Variants in PACRG observed in about 807,000 individuals in gnomAD.
PACRG encodes parkin coregulated gene protein.
In PACRG, 29 loss-of-function variants were observed where a neutral mutation model predicts 29.7. The ratio of observed to expected loss-of-function variants is 0.98; its 90% confidence interval spans 0.73 to 1.33. The LOEUF (loss-of-function observed/expected upper bound fraction) is 1.33, where lower values mean the gene tolerates loss of function less well. Ranked by LOEUF, PACRG falls within the 40% of genes most tolerant of loss-of-function variation. PACRG has a pLI of 0.00. For missense variants in PACRG, 279 were observed against 316.2 expected, an observed-to-expected ratio of 0.88 and a Z score of 0.89; for synonymous variants, 116 against 118.7, an observed-to-expected ratio of 0.98 and a Z score of 0.15.
intron 2 of PACRG, among the ~76,000 whole-genome samples, chr6:162,980,700 G>A (rs531432534): frequency 2.0e-5 from 3 of 152,168 alleles, no homozygotes; most frequent in South Asian, 2.1e-4. Flanking sequence ...TGATGTTCTC[G>A]ACCTTCCATC....
intron 2 of PACRG, among the ~76,000 whole-genome samples, chr6:162,912,136 C>T (rs1043304697): frequency 6.6e-6 from 1 of 152,152 alleles, no homozygotes; most frequent in African/African-American, 2.4e-5. Context: ...AAGGTCAATC[C>T]AAGTTGTTAG....
chr6:163,217,387 G>A (rs1781403996), intron 4 of PACRG, among the ~76,000 whole-genome samples: 1 of 152,242 alleles, frequency 6.6e-6, no homozygotes, highest in Non-Finnish European at 1.5e-5. Flanking sequence ...TTCCAGGGGA[G>A]GCCCAGTCAC....
intron 4 of PACRG, chr6:163,244,980 G>A (rs1275209261): frequency 2.2e-5 from 10 of 448,656 alleles, no homozygotes; most frequent in East Asian, 1.4e-4. Flanking sequence ...CCATGTTAGC[G>A]AAGTGGGGAG....
At chr6:163,206,418 A>G (rs1780904791) in intron 4 of PACRG, among the ~76,000 whole-genome samples, 1 of 152,174 alleles carries the variant, frequency 6.6e-6, no homozygotes, top group African/African-American at 2.4e-5. Context: ...AGCAACATGG[A>G]TAGAGCTTTT....
chr6:162,777,343 T>A lies in PACRG; in HGVS notation c.157-36804T>A, dbSNP rs1047368201. On this transcript the variant is annotated intron_variant, in intron 1 of 4. Transcript: ENST00000366888. The surrounding 1 kb of genome is among the most constrained non-coding windows in gnomAD (Gnocchi z 4.0). ...CAGACTGAGTGGCTTGGCATTTGGCTGATGTAGGCCATGTGGGCACACACT... is the reference window on the plus strand; with the variant it reads ...CAGACTGAGTGGCTTGGCATTTGGCAGATGTAGGCCATGTGGGCACACACT... Among the ~76,000 whole-genome samples the A allele has an allele frequency of 1.3e-5, 2 of 152,216 alleles. No homozygotes were observed. Among genetic ancestry groups the A allele is most frequent in the Non-Finnish European group, 2.9e-5 (2 of 68,044 alleles).
At chr6:162,863,522 G>A (rs529389421) in intron 2 of PACRG, among the ~76,000 whole-genome samples, 1 of 152,294 alleles carries the variant, frequency 6.6e-6, no homozygotes, top group Non-Finnish European at 1.5e-5. Context: ...AAAAGAGGAT[G>A]GCACTGCATA....
chr6:163,278,048 A>G (rs1261510413), intron 4 of PACRG, among the ~76,000 whole-genome samples: 1 of 152,096 alleles, frequency 6.6e-6, no homozygotes, highest in African/African-American at 2.4e-5. Context: ...GTGAGGTGGT[A>G]TTGCATTGTG....
intron 2 of PACRG, among the ~76,000 whole-genome samples, chr6:162,829,609 G>A (rs1298145917): frequency 6.6e-6 from 1 of 152,178 alleles, no homozygotes; most frequent in Non-Finnish European, 1.5e-5. Flanking sequence ...ATATTCGATG[G>A]TGGGACCGTA....
At chr6:162,776,996 C>T (rs1267819627) in intron 1 of PACRG, among the ~76,000 whole-genome samples, 1 of 152,134 alleles carries the variant, frequency 6.6e-6, no homozygotes, top group African/African-American at 2.4e-5. Flanking sequence ...TGCTCAGGTG[C>T]TGGGTGCACC....
chr6:162,762,822 A>G (rs563077429), intron 1 of PACRG, among the ~76,000 whole-genome samples: 1 of 152,328 alleles, frequency 6.6e-6, no homozygotes, highest in East Asian at 1.9e-4. Context: ...TATTGATTTG[A>G]TTATAATGTT....
rs559355302 is a variant in PACRG at position 163,287,571 on chromosome 6, T to C, written c.614-27256T>C. On this transcript the variant is annotated intron_variant, in intron 4 of 4. Transcript: ENST00000366888. ...GGCTCTGCATTTCTTACATGTTTCT[T>C]TTCAATCCTGACCTTCTCTTAGATC... 2.6e-5 allele frequency among the ~76,000 whole-genome samples: 4 copies of C among 152,344 alleles called. No individual in the cohort carries two copies. The South Asian group carries it at 8.3e-4, about 32-fold the overall frequency.
intron 2 of PACRG, among the ~76,000 whole-genome samples, chr6:162,855,185 GC>G: frequency 6.6e-6 from 1 of 152,306 alleles, no homozygotes; most frequent in African/African-American, 2.4e-5. Context: ...AATGCCCAGC[GC>G]TGACACCTGG....
In PACRG at chr6:163,269,890, A is replaced by ACAAAG. The variant is rs1554237869; in HGVS notation, c.614-44937_614-44936insCAAAG. ...AAGAGAAAGAAAGAAAGAAAGAAAGAAAACAAAGAAAGAAAGAAAGAAAGA... is the reference window on the plus strand; with the variant it reads ...AAGAGAAAGAAAGAAAGAAAGAAAGACAAAGAAACAAAGAAAGAAAGAAAGAAAGA... On this transcript the variant is annotated intron_variant, in intron 4 of 4. Transcript: ENST00000366888. Among the ~76,000 whole-genome samples, 10 of 23,814 alleles carry ACAAAG rather than the reference A, an allele frequency of 4.2e-4. 1 individual carries two copies. The highest frequency in any genetic ancestry group is 1.5e-3 in the Admixed American group (4 of 2,672). The allele number at this position is 23,814 out of a possible 152,430, so 15.6% of individuals were successfully genotyped here.
intron 4 of PACRG, among the ~76,000 whole-genome samples, chr6:163,109,363 T>C (rs962301759): frequency 2.6e-5 from 4 of 152,214 alleles, no homozygotes; most frequent in Non-Finnish European, 4.4e-5. Flanking sequence ...TATCACACGT[T>C]GTCTATGATA....
At chr6:162,935,950 A>G (rs1412218163) in intron 2 of PACRG, among the ~76,000 whole-genome samples, 3 of 152,192 alleles carry the variant, frequency 2.0e-5, no homozygotes, top group Non-Finnish European at 4.4e-5. Context: ...CCAGTGCTGT[A>G]TTAGTCTATT....
At chr6:162,940,823 G>A (rs1189696106) in intron 2 of PACRG, among the ~76,000 whole-genome samples, 2 of 152,060 alleles carry the variant, frequency 1.3e-5, no homozygotes, top group Non-Finnish European at 2.9e-5. Context: ...TGGCAAACAG[G>A]GTCATTACTG....
At chr6:163,273,671 T>C (rs1022107741) in intron 4 of PACRG, among the ~76,000 whole-genome samples, 1 of 152,082 alleles carries the variant, frequency 6.6e-6, no homozygotes, top group Non-Finnish European at 1.5e-5. Flanking sequence ...GTTACTTTCC[T>C]CCCCCCTTGA....
chr6:163,261,820 T>C (rs920222565), intron 4 of PACRG, among the ~76,000 whole-genome samples: 2 of 152,150 alleles, frequency 1.3e-5, no homozygotes, highest in African/African-American at 4.8e-5. Context: ...ATAGAGATGA[T>C]TTAAAGGATA....
At chr6:162,957,120 C>T (rs1800109838) in intron 2 of PACRG, 1 of 193,526 alleles carries the variant, frequency 5.2e-6, no homozygotes, top group Admixed American at 5.4e-5. Flanking sequence ...GCTCCAGCCT[C>T]ATGTCTGAGA....
Sources: gnomAD v4.1 joint callset for allele counts (sites outside exome capture counted in the v4.1 genomes callset) on GRCh38, gnomAD v4.1.1 for gene constraint, Gnocchi (gnomAD v3.1) non-coding constraint, MANE v1.5 for transcripts, NCBI Gene and HGNC (gene_info 2026-07-23, HGNC 2026-07-21) for gene names.